MTR: variants seen among roughly 807,000 people sequenced by gnomAD.
MTR encodes the protein 5-methyltetrahydrofolate-homocysteine methyltransferase, also known as methionine synthase.
MTR carries 84 observed loss-of-function variants against 154.8 expected under a neutral mutation model. The observed-to-expected ratio is 0.54, with a 90% CI of 0.45 to 0.65. The LOEUF (loss-of-function observed/expected upper bound fraction) is 0.65, where lower values mean the gene tolerates loss of function less well. Ranked by LOEUF, MTR falls within the 30% of genes least tolerant of loss-of-function variation. The pLI, the probability that MTR is intolerant of heterozygous loss-of-function variation, is 0.00. For missense variants in MTR, 1,275 were observed against 1,570.2 expected, an observed-to-expected ratio of 0.81 and a Z score of 3.18; for synonymous variants, 554 against 553.9, an observed-to-expected ratio of 1.00 and a Z score of 0.00.
Position 236,903,549 on chromosome 1 carries a change from C to T in MTR, c.*5905C>T, listed in dbSNP as rs756529081. On this transcript the variant is annotated 3_prime_UTR_variant, in exon 33 of 33. Coordinates refer to ENST00000366577, the MANE Select transcript of MTR (RefSeq NM_000254.3). The stretch of plus-strand genomic sequence containing the variant: ...ACGAAACAAGCAATCCCTAAATTCT[C>T]GCCCAGGAAAGTATCTTGGATTAAA... 5 of 152,186 alleles carry T rather than the reference C, an allele frequency of 3.3e-5. No homozygotes were observed. The highest frequency in any genetic ancestry group is 9.7e-5 in the African/African-American group (4 of 41,442). The allele number at this position is 152,186 out of a possible 1,614,324, so 9.4% of individuals were successfully genotyped here. A position where few individuals can be genotyped will look rare whatever the true frequency, so the allele number is the denominator to read the frequency against.
intron 27 of MTR, among the ~76,000 whole-genome samples, chr1:236,888,747 T>C (rs1666156543): frequency 1.3e-5 from 2 of 152,240 alleles, no homozygotes; most frequent in African/African-American, 2.4e-5. Context: ...TGAGCATATG[T>C]GTCAGTAGAC....
Position 236,803,448 on chromosome 1 carries a change from C to G in MTR, c.55C>G (p.Arg19Gly), listed in dbSNP as rs376681897. ...TAAAGAAGGTCTGAAGAAAACCCTG[C>G]GGGATGAGATCAATGCCATTCTGCA... is the stretch of plus-strand genomic sequence containing the variant. ...SQPEGLKKTLRDEINAILQKR... is the reference protein window; with the variant it reads ...SQPEGLKKTLGDEINAILQKR... The change falls in exon 2 of 33, where the codon CGG becomes GGG. Residue 19 changes from arginine to glycine, a missense_variant. Physicochemically the swap from Arg to Gly is moderately radical, Grantham distance 125. Coordinates refer to ENST00000366577, the MANE Select transcript of MTR (RefSeq NM_000254.3). 2.5e-6 allele frequency: 4 copies of G among 1,614,070 alleles called. No homozygotes were observed. The highest frequency in any genetic ancestry group is 8.5e-7 in the Non-Finnish European group (1 of 1,179,984).
chr1:236,853,126 A>G (rs760962940), intron 18 of MTR, 38 bp downstream of exon 18: 7 of 1,607,900 alleles, frequency 4.4e-6, no homozygotes, highest in South Asian at 1.1e-5. Flanking sequence ...GATTTTTCCT[A>G]TCTTTGAATG....
Position 236,873,945 on chromosome 1 carries a change from C to A in MTR, c.2473+105C>A, listed in dbSNP as rs553076671. 1.9e-4 allele frequency: 216 copies of A among 1,130,306 alleles called. No homozygotes were observed. In the African/African-American group the frequency reaches 2.8e-3, roughly 15 times the overall value. The allele number at this position is 1,130,306 out of a possible 1,614,324, so 70.0% of individuals were successfully genotyped here. On this transcript the variant is annotated intron_variant, in intron 23 of 32. Coordinates refer to ENST00000366577, the MANE Select transcript of MTR (RefSeq NM_000254.3). ...TGAATAGTGATGCCCCATGAGGGTT[C>A]TGTGGGACATACAATCAAGTGCCAG...
chr1:236,844,205 A>C (rs1663429039), intron 15 of MTR, among the ~76,000 whole-genome samples: 1 of 152,210 alleles, frequency 6.6e-6, no homozygotes, highest in Non-Finnish European at 1.5e-5. Context: ...GGGCATGTTC[A>C]GCTGTTTAAA....
At chr1:236,872,979 T>C (rs1187529409) in intron 22 of MTR, among the ~76,000 whole-genome samples, 1 of 152,206 alleles carries the variant, frequency 6.6e-6, no homozygotes, top group Admixed American at 6.6e-5. Context: ...AATGAGACCC[T>C]GTCTCAAAAA....
At chr1:236,884,985 C>G (rs1235227296) in intron 25 of MTR, 136 bp from the exon 26 acceptor site, 2 of 697,436 alleles carry the variant, frequency 2.9e-6, no homozygotes, top group Non-Finnish European at 5.3e-6. Context: ...GCACGCCAGG[C>G]AGGAATTAGC....
chr1:236,869,133 C>G (rs1215498850), intron 22 of MTR, among the ~76,000 whole-genome samples: 1 of 152,216 alleles, frequency 6.6e-6, no homozygotes, highest in African/African-American at 2.4e-5. Flanking sequence ...GGTAAAATGA[C>G]AGCAAGTATC....
intron 9 of MTR, among the ~76,000 whole-genome samples, chr1:236,824,963 G>A (rs896879399): frequency 4.6e-5 from 7 of 152,042 alleles, no homozygotes; most frequent in Non-Finnish European, 7.4e-5. Flanking sequence ...TGTTAGTTGC[G>A]CATTAGTTCA....
intron 23 of MTR, among the ~76,000 whole-genome samples, chr1:236,874,321 T>A (rs1665307973): frequency 6.6e-6 from 1 of 152,108 alleles, no homozygotes; most frequent in Non-Finnish European, 1.5e-5. Context: ...ACACCTGTAA[T>A]CCCGGCATTT....
intron 29 of MTR, among the ~76,000 whole-genome samples, chr1:236,892,326 G>T (rs905268900): frequency 2.6e-5 from 4 of 151,882 alleles, no homozygotes; most frequent in Non-Finnish European, 5.9e-5. Context: ...ATTTAAAAAT[G>T]AGCCGTGCAC....
At chr1:236,886,132 G>A (rs112120531) in intron 26 of MTR, among the ~76,000 whole-genome samples, 160 bp from the exon 27 acceptor site, 72 of 152,328 alleles carry the variant, frequency 4.7e-4, no homozygotes, top group African/African-American at 1.7e-3. Flanking sequence ...ATGTGAAACC[G>A]ACTGGGTAGA....
rs1662210075 is a variant in MTR at position 236,825,143 on chromosome 1, T to C, written c.866-195T>C. ...ATGGAGTTCATTTTCCTCTGTGATTTTTTTTTTTTTTTTTTAGTTTTTTGG... is the reference window on the plus strand; with the variant it reads ...ATGGAGTTCATTTTCCTCTGTGATTCTTTTTTTTTTTTTTTAGTTTTTTGG... On this transcript the variant is annotated intron_variant, in intron 9 of 32. Coordinates refer to ENST00000366577, the MANE Select transcript of MTR (RefSeq NM_000254.3). Among the ~76,000 whole-genome samples, 3 of 149,906 alleles carry C rather than the reference T, an allele frequency of 2.0e-5. No individual in the cohort carries two copies. The South Asian group carries it at 6.3e-4, about 31-fold the overall frequency.
Position 236,822,312 on chromosome 1 carries a change from G to GTTTT in MTR, c.765-1795_765-1792dup, listed in dbSNP as rs199660325. Among the ~76,000 whole-genome samples, 447 of 124,900 alleles carry GTTTT rather than the reference G, an allele frequency of 3.6e-3. 15 individuals carry two copies. Among genetic ancestry groups the GTTTT allele is most frequent in the Middle Eastern group, 0.017 (4 of 232 alleles). The allele number at this position is 124,900 out of a possible 152,430, so 81.9% of individuals were successfully genotyped here. On this transcript the variant is annotated intron_variant, in intron 8 of 32. Coordinates refer to ENST00000366577, the MANE Select transcript of MTR (RefSeq NM_000254.3). ...TAAATGGTTTTGTGGGGTTTTTTTT[G>GTTTT]TTTTTTTTTTTTTTTGAGACAGCAT...
At chr1:236,855,816 G>A (rs1195048125) in intron 18 of MTR, among the ~76,000 whole-genome samples, 4 of 152,188 alleles carry the variant, frequency 2.6e-5, no homozygotes, top group African/African-American at 4.8e-5. Flanking sequence ...TCCACAGTGT[G>A]CCTGGGTCTG....
intron 32 of MTR, 77 bp downstream of exon 32, chr1:236,897,195 A>G (rs1666672148): frequency 8.8e-7 from 1 of 1,133,170 alleles, no homozygotes; most frequent in Non-Finnish European, 1.3e-6. Flanking sequence ...TTAAATGTGA[A>G]TGAGAATAAA....
At chr1:236,863,078 G>A (rs964841399) in intron 21 of MTR, among the ~76,000 whole-genome samples, 4 of 152,126 alleles carry the variant, frequency 2.6e-5, no homozygotes, top group Non-Finnish European at 5.9e-5. Flanking sequence ...ATTCAGATGG[G>A]ACATACACAT....
intron 12 of MTR, among the ~76,000 whole-genome samples, chr1:236,831,585 C>T (rs1410998560): frequency 6.6e-6 from 1 of 152,330 alleles, no homozygotes; most frequent in Admixed American, 6.5e-5. Flanking sequence ...GAGCAGACAG[C>T]TGTGGAGCAC....
intron 15 of MTR, among the ~76,000 whole-genome samples, chr1:236,841,246 A>G (rs1279464584): frequency 6.6e-6 from 1 of 152,156 alleles, no homozygotes; most frequent in Non-Finnish European, 1.5e-5. Context: ...ATCCTTCCCA[A>G]TATAGTTCAT....
Sources: gnomAD v4.1 joint callset for allele counts (sites outside exome capture counted in the v4.1 genomes callset) on GRCh38, gnomAD v4.1.1 for gene constraint, MANE v1.5 for transcripts, NCBI Gene and HGNC (gene_info 2026-07-23, HGNC 2026-07-21) for gene names.